Variants in SLC44A5 observed in about 807,000 individuals in gnomAD.
SLC44A5 encodes solute carrier family 44 member 5, also known as choline transporter-like protein 5.
Under a neutral mutation model 101.8 loss-of-function variants are expected in SLC44A5, and 57 were observed. That is an observed-to-expected ratio of 0.56 (90% CI 0.45 to 0.70). The LOEUF (loss-of-function observed/expected upper bound fraction) is 0.70. Ranked by LOEUF, SLC44A5 falls within the 30% of genes least tolerant of loss-of-function variation. The pLI, the probability that SLC44A5 is intolerant of heterozygous loss-of-function variation, is 0.00. For missense variants in SLC44A5, 737 were observed against 853.1 expected, an observed-to-expected ratio of 0.86 and a Z score of 1.70; for synonymous variants, 281 against 290.9, an observed-to-expected ratio of 0.97 and a Z score of 0.35.
chr1:75,433,471 T>G lies in SLC44A5; in HGVS notation c.14-36850A>C, dbSNP rs192487144. Among the ~76,000 whole-genome samples the G allele has an allele frequency of 6.4e-4, 98 of 152,298 alleles. No homozygotes were observed. In the Middle Eastern group the frequency reaches 0.014, roughly 21 times the overall value. ...CTTATAATATCCTAAGTCAATTATATCACCAGTTCTTTGAAAACTCACTGA... is the reference window on the plus strand; with the variant it reads ...CTTATAATATCCTAAGTCAATTATAGCACCAGTTCTTTGAAAACTCACTGA... On this transcript the variant is annotated intron_variant, in intron 2 of 23. Transcript: ENST00000370859.
intron 2 of SLC44A5, among the ~76,000 whole-genome samples, chr1:75,527,660 T>C (rs1272466350): frequency 6.6e-6 from 1 of 152,146 alleles, no homozygotes; most frequent in Admixed American, 6.5e-5. Context: ...TTTTACTTAT[T>C]TCATTTTAAA....
chr1:75,723,648 C>A, the SLC44A5 span: 1 of 152,140 alleles, frequency 6.6e-6, no homozygotes, highest in South Asian at 2.1e-4. Context: ...CTTTAAGAGT[C>A]CGCTTTGTGT....
intron 6 of SLC44A5, among the ~76,000 whole-genome samples, chr1:75,270,718 T>G (rs1471229012): frequency 6.6e-6 from 1 of 152,166 alleles, no homozygotes; most frequent in East Asian, 1.9e-4. Flanking sequence ...ATTAAATTGA[T>G]GGGCCATAAT....
Position 75,219,327 on chromosome 1 carries a change from C to A in SLC44A5, c.1196G>T (p.Gly399Val). 6.2e-7 allele frequency: 1 copy of A among 1,612,186 alleles called. No homozygotes were observed. The highest frequency in any genetic ancestry group is 8.5e-7 in the Non-Finnish European group (1 of 1,178,466). Residue 399 changes from glycine to valine, a missense_variant, in exon 16 of 24, where the codon GGG becomes GTG. Physicochemically the swap from Gly to Val is moderately radical, Grantham distance 109 (BLOSUM62 -3). This residue lies in a region of SLC44A5 where 665 missense variants were observed against 764.4 expected (regional missense o/e 0.87). Transcript: ENST00000370859. Reference sequence around the variant, plus strand: ...AGCTATGACTTTGTATACAGGTACCCCCGATGTCGCCAAGAAACTGAATAA... The same window carrying A: ...AGCTATGACTTTGTATACAGGTACCACCGATGTCGCCAAGAAACTGAATAA... ...VVTAVFLATS[G>V]VPVYKVIAPG...
At chr1:75,660,240 T>A in the SLC44A5 span, among the ~76,000 whole-genome samples, 1 of 152,128 alleles carries the variant, frequency 6.6e-6, no homozygotes, top group South Asian at 2.1e-4. Context: ...AACAAAATGA[T>A]CATTTCAGTA....
chr1:75,708,607 A>G, the SLC44A5 span, among the ~76,000 whole-genome samples: 1 of 152,030 alleles, frequency 6.6e-6, no homozygotes, highest in African/African-American at 2.4e-5. Context: ...GGAAAACTAA[A>G]TTCTGATATT....
the SLC44A5 span, among the ~76,000 whole-genome samples, chr1:75,634,329 C>T: frequency 2.1e-4 from 32 of 152,168 alleles, no homozygotes; most frequent in African/African-American, 5.8e-4. Context: ...TGGTAGAATT[C>T]GGCTGTGAAT....
chr1:75,516,662 T>C (rs953404125), intron 2 of SLC44A5, among the ~76,000 whole-genome samples: 1 of 152,228 alleles, frequency 6.6e-6, no homozygotes, highest in Admixed American at 6.5e-5. Flanking sequence ...TGTTAGATTA[T>C]GACCAGGGTA....
At chr1:75,292,797 A>G (rs966232940) in intron 5 of SLC44A5, among the ~76,000 whole-genome samples, 1 of 152,246 alleles carries the variant, frequency 6.6e-6, no homozygotes, top group African/African-American at 2.4e-5. Flanking sequence ...GTATTAGTTG[A>G]AGATCATGGG....
At chr1:75,479,667 C>A (rs1283399166) in intron 2 of SLC44A5, among the ~76,000 whole-genome samples, 1 of 152,162 alleles carries the variant, frequency 6.6e-6, no homozygotes, top group Non-Finnish European at 1.5e-5. Flanking sequence ...TGGATAAATT[C>A]CTTGACACAT....
the SLC44A5 span, among the ~76,000 whole-genome samples, chr1:75,682,135 C>A: frequency 6.6e-6 from 1 of 152,182 alleles, no homozygotes; most frequent in African/African-American, 2.4e-5. Flanking sequence ...ACATTCCATG[C>A]TCATGGGTAG....
At chr1:75,520,135 T>C (rs1330191053) in intron 2 of SLC44A5, among the ~76,000 whole-genome samples, 5 of 152,192 alleles carry the variant, frequency 3.3e-5, no homozygotes, top group South Asian at 2.1e-4. Context: ...GTCCTATAAA[T>C]TGTGAGCACT....
At chr1:75,663,883 G>A in the SLC44A5 span, among the ~76,000 whole-genome samples, 1 of 152,244 alleles carries the variant, frequency 6.6e-6, no homozygotes, top group East Asian at 1.9e-4. Context: ...CAATATCCCT[G>A]ATGAACATAG....
chr1:75,341,580 G>T (rs1169734895), intron 3 of SLC44A5, among the ~76,000 whole-genome samples: 1 of 151,944 alleles, frequency 6.6e-6, no homozygotes, highest in African/African-American at 2.4e-5. Flanking sequence ...AAAAAGGAAG[G>T]AAAGAAAACA....
At chr1:75,266,463 C>G (rs1262374233) in intron 6 of SLC44A5, among the ~76,000 whole-genome samples, 5 of 152,162 alleles carry the variant, frequency 3.3e-5, no homozygotes, top group African/African-American at 1.2e-4. Context: ...TTCACTGCAA[C>G]TGTCTGTGTG....
rs551112517 is a variant in SLC44A5 at position 75,214,466 on chromosome 1, G to C, written c.1802+139C>G. ...GAAAATAAATTAATGGTATGAGAGA[G>C]AATATTTAAATCTATCAAGTTAAAA... On this transcript the variant is annotated intron_variant, in intron 20 of 23. Transcript: ENST00000370859. 323 of 618,964 alleles carry C rather than the reference G, an allele frequency of 5.2e-4. 6 individuals carry two copies. The South Asian group carries it at 9.2e-3, about 18-fold the overall frequency. 38.3% of individuals were successfully genotyped at this position (618,964 alleles called of 1,614,324 possible).
chr1:75,366,314 GC>G (rs1466665003), intron 3 of SLC44A5, among the ~76,000 whole-genome samples: 1 of 151,962 alleles, frequency 6.6e-6, no homozygotes, highest in Non-Finnish European at 1.5e-5. Context: ...CATTTTTGGA[GC>G]CTTTTTTTCA....
At chr1:75,243,049 G>T in intron 7 of SLC44A5, 38 bp from the exon 8 acceptor site, 1 of 1,564,176 alleles carries the variant, frequency 6.4e-7, no homozygotes, top group South Asian at 1.2e-5. Context: ...GAACTGAGTT[G>T]AACAAACCCA....
chr1:75,564,774 C>T (rs926830629), intron 1 of SLC44A5, among the ~76,000 whole-genome samples: 13 of 152,052 alleles, frequency 8.5e-5, no homozygotes, highest in African/African-American at 3.1e-4. Context: ...TGACCGCCAC[C>T]ACCAGGCCCA....
Sources: allele counts gnomAD v4.1 joint callset (sites outside exome capture counted in the v4.1 genomes callset), GRCh38; gene constraint gnomAD v4.1.1; regional missense constraint gnomAD v4.1.1; transcripts MANE v1.5; gene names NCBI Gene and HGNC (gene_info 2026-07-23, HGNC 2026-07-21).